NBAS: variants seen among roughly 807,000 people sequenced by gnomAD.
NBAS encodes the protein NAG/BC035112 fusion.
In NBAS, 219 loss-of-function variants were observed where a neutral mutation model predicts 302.5. The observed-to-expected ratio is 0.72, with a 90% CI of 0.65 to 0.81. The LOEUF is 0.81. Ranked by LOEUF, NBAS falls within the 30% of genes least tolerant of loss-of-function variation. The pLI is 0.00. For missense variants in NBAS, 2,932 were observed against 2,841.6 expected, an observed-to-expected ratio of 1.03 and a Z score of -0.72; for synonymous variants, 1,118 against 1,021.6, an observed-to-expected ratio of 1.09 and a Z score of -1.80.
chr2:15,447,523 A>G (rs1445696671), intron 21 of NBAS, among the ~76,000 whole-genome samples: 1 of 152,160 alleles, frequency 6.6e-6, no homozygotes, highest in Non-Finnish European at 1.5e-5. Context: ...AAAAGGAGAG[A>G]GCACAAGGGA....
chr2:14,987,275 C>A, the NBAS span, among the ~76,000 whole-genome samples: 1 of 151,898 alleles, frequency 6.6e-6, no homozygotes, highest in African/African-American at 2.4e-5. Context: ...TATCAAAGCA[C>A]CAATTTCAAT....
rs1228228936 is a variant in NBAS at position 15,308,303 on chromosome 2, A to G, written c.4710T>C (p.Ser1570=). ...TATAGTAATACGCTGCCAGCTGGAGAGATAATGCAGAGGGGGACTGCTTTT... is the reference window on the plus strand; with the variant it reads ...TATAGTAATACGCTGCCAGCTGGAGGGATAATGCAGAGGGGGACTGCTTTT... The part of the protein sequence containing the change: ...CFEKQSPSAL[S]LQLAAYYYSL... Residue 1570 remains serine, a synonymous_variant, in exon 40 of 52, where the codon TCT becomes TCC. Transcript: ENST00000281513. 8.7e-6 allele frequency: 14 copies of G among 1,614,060 alleles called. No homozygotes were observed. The highest frequency in any genetic ancestry group is 1.3e-5 in the African/African-American group (1 of 74,918).
intron 21 of NBAS, among the ~76,000 whole-genome samples, chr2:15,434,733 G>A (rs1409895290): frequency 2.0e-5 from 3 of 152,044 alleles, no homozygotes; most frequent in South Asian, 2.1e-4. Flanking sequence ...CTATAGGTTC[G>A]AGGTTGCCAG....
At chr2:14,943,878 A>T in the NBAS span, among the ~76,000 whole-genome samples, 1 of 152,100 alleles carries the variant, frequency 6.6e-6, no homozygotes. Flanking sequence ...TTGCAAGCAC[A>T]GCAAACAAGG....
chr2:14,781,260 G>A, the NBAS span, among the ~76,000 whole-genome samples: 10 of 152,168 alleles, frequency 6.6e-5, no homozygotes, highest in African/African-American at 2.2e-4. Flanking sequence ...TCTCCGTAGT[G>A]CCTTTACAAT....
intron 44 of NBAS, among the ~76,000 whole-genome samples, chr2:15,250,427 CA>C (rs1668308600): frequency 2.0e-5 from 3 of 152,102 alleles, no homozygotes; most frequent in African/African-American, 4.8e-5. Flanking sequence ...ACTAAAACAC[CA>C]AAAGCAATGG....
intron 48 of NBAS, among the ~76,000 whole-genome samples, chr2:15,206,435 A>C (rs1558436632): frequency 2.0e-5 from 3 of 152,342 alleles, no homozygotes; most frequent in Non-Finnish European, 1.5e-5. Context: ...AGAAAAAAAA[A>C]AACACTATCT....
intron 9 of NBAS, among the ~76,000 whole-genome samples, chr2:15,534,339 G>A (rs780036035): frequency 6.6e-6 from 1 of 152,194 alleles, no homozygotes; most frequent in South Asian, 2.1e-4. Flanking sequence ...TATTCCCAGT[G>A]CCCCATCTGG....
chr2:14,907,087 C>T, the NBAS span, among the ~76,000 whole-genome samples: 41 of 152,272 alleles, frequency 2.7e-4, no homozygotes, highest in African/African-American at 9.9e-4. Flanking sequence ...TTGCTTCCTG[C>T]GTTTCTTCAC....
the NBAS span, among the ~76,000 whole-genome samples, chr2:14,874,356 G>A: frequency 1.3e-5 from 2 of 152,012 alleles, no homozygotes; most frequent in East Asian, 1.9e-4. Flanking sequence ...GCTGGGCACG[G>A]TGGCTCACGC....
chr2:15,110,660 G>A, the NBAS span, among the ~76,000 whole-genome samples: 1 of 151,998 alleles, frequency 6.6e-6, no homozygotes, highest in Non-Finnish European at 1.5e-5. Flanking sequence ...TGATTGGAGG[G>A]TACTTCTCTG....
the NBAS span, among the ~76,000 whole-genome samples, chr2:15,033,961 A>G: frequency 3.7e-5 from 5 of 135,538 alleles, no homozygotes; most frequent in South Asian, 2.7e-4. Context: ...AGTGAAAAGA[A>G]GAAGAGGAAG....
the NBAS span, among the ~76,000 whole-genome samples, chr2:15,048,471 C>T: frequency 6.6e-6 from 1 of 152,234 alleles, no homozygotes; most frequent in Non-Finnish European, 1.5e-5. Flanking sequence ...TGTTTCCGGT[C>T]CCAGGAAGTG....
chr2:15,508,497 C>T (rs531208592), intron 10 of NBAS, among the ~76,000 whole-genome samples: 1 of 152,316 alleles, frequency 6.6e-6, no homozygotes, highest in South Asian at 2.1e-4. Flanking sequence ...CCTCTATACA[C>T]ATCCATTTTC....
the NBAS span, among the ~76,000 whole-genome samples, chr2:15,066,251 T>A: frequency 6.6e-6 from 1 of 152,178 alleles, no homozygotes; most frequent in African/African-American, 2.4e-5. Context: ...ATTAATGATT[T>A]ATACTTAAGA....
At chr2:15,052,222 G>A in the NBAS span, among the ~76,000 whole-genome samples, 1 of 152,168 alleles carries the variant, frequency 6.6e-6, no homozygotes, top group Non-Finnish European at 1.5e-5. Context: ...TACAGGTCAT[G>A]TGGCATCCCA....
the NBAS span, among the ~76,000 whole-genome samples, chr2:15,096,281 A>G: frequency 6.6e-6 from 1 of 152,094 alleles, no homozygotes; most frequent in South Asian, 2.1e-4. Context: ...TTGCTCCCCC[A>G]TTTACCAACT....
At chr2:14,940,745 C>A in the NBAS span, among the ~76,000 whole-genome samples, 2 of 152,310 alleles carry the variant, frequency 1.3e-5, no homozygotes, top group East Asian at 3.9e-4. Flanking sequence ...GCCAGGGCTG[C>A]TCCCGATGTA....
the NBAS span, among the ~76,000 whole-genome samples, chr2:15,089,058 G>A: frequency 0.043 from 6,528 of 152,196 alleles, 354 homozygotes; most frequent in East Asian, 0.11. Flanking sequence ...CCACACCTTC[G>A]GTTCTCCCAC....
Sources: gnomAD v4.1 joint callset for allele counts (sites outside exome capture counted in the v4.1 genomes callset) on GRCh38, gnomAD v4.1.1 for gene constraint, MANE v1.5 for transcripts, NCBI Gene and HGNC (gene_info 2026-07-23, HGNC 2026-07-21) for gene names.